Variants in ADAMTS16 observed in about 807,000 individuals in gnomAD.
ADAMTS16 encodes the protein ADAM metallopeptidase with thrombospondin type 1 motif 16.
Under a neutral mutation model 145.8 loss-of-function variants are expected in ADAMTS16, and 94 were observed. The ratio of observed to expected loss-of-function variants is 0.64; its 90% CI spans 0.55 to 0.77. The LOEUF (loss-of-function observed/expected upper bound fraction) is 0.77. ADAMTS16 is among the 30% of genes least tolerant of loss of function. The pLI, the probability that ADAMTS16 is intolerant of heterozygous loss-of-function variation, is 0.00. For missense variants in ADAMTS16, 1,585 were observed against 1,591.5 expected (o/e 1.00, Z 0.07); for synonymous variants, 659 against 604.3 (o/e 1.09, Z -1.33).
At chr5:5,191,578 C>T (rs1735663285) in intron 7 of ADAMTS16, 107 bp from the exon 8 acceptor site, 3 of 882,594 alleles carry the variant, frequency 3.4e-6, no homozygotes, top group Non-Finnish European at 5.4e-6. Flanking sequence ...CATATTTTCC[C>T]ATATGAACAT....
intron 8 of ADAMTS16, among the ~76,000 whole-genome samples, chr5:5,198,123 G>T (rs1010003691): frequency 4.6e-5 from 7 of 152,178 alleles, no homozygotes; most frequent in African/African-American, 1.7e-4. Context: ...AGGCAGACAC[G>T]GTAGCAAGTT....
chr5:5,169,108 G>A (rs1297753296), intron 3 of ADAMTS16, among the ~76,000 whole-genome samples: 1 of 151,920 alleles, frequency 6.6e-6, no homozygotes, highest in Non-Finnish European at 1.5e-5. Flanking sequence ...TCCTTCATAG[G>A]TATCAGTTCC....
At chr5:5,184,191 C>T (rs1157184875) in intron 4 of ADAMTS16, among the ~76,000 whole-genome samples, 2 of 151,942 alleles carry the variant, frequency 1.3e-5, no homozygotes, top group African/African-American at 2.4e-5. Flanking sequence ...CCCAGGTCCT[C>T]GTGTCACCTG....
rs764776870 is a variant in ADAMTS16 at position 5,182,106 on chromosome 5, A to G, written c.564A>G (p.Ser188=). 67 of 1,611,200 alleles carry G rather than the reference A, an allele frequency of 4.2e-5. No homozygotes were observed. Among genetic ancestry groups the G allele is most frequent in the Non-Finnish European group, 5.4e-5 (64 of 1,177,526 alleles). The change falls in exon 4 of 23, where the codon TCA becomes TCG. Residue 188 remains serine (S), a synonymous_variant. Transcript: ENST00000274181. ...YFLRPLPSHL[S]WKLGRAAQGS... The stretch of plus-strand genomic sequence containing the variant: ...TAAGGCCACTTCCTTCACACCTCTC[A>G]TGGAAACTCGGCAGAGCTGCCCAAG...
At chr5:5,249,976 C>A (rs1737570792) in intron 17 of ADAMTS16, among the ~76,000 whole-genome samples, 1 of 152,162 alleles carries the variant, frequency 6.6e-6, no homozygotes, top group Non-Finnish European at 1.5e-5. Flanking sequence ...CCATCCCTGG[C>A]TGAACTCCTT....
chr5:5,168,636 A>T (rs1734955474), intron 3 of ADAMTS16, among the ~76,000 whole-genome samples: 1 of 52,034 alleles, frequency 1.9e-5, no homozygotes, highest in Admixed American at 1.9e-4. Flanking sequence ...TATATATAAT[A>T]TATATAATTA....
Position 5,208,787 on chromosome 5 carries a change from T to TAA in ADAMTS16, c.1452-306_1452-305insAA, listed in dbSNP as rs565535665. Among the ~76,000 whole-genome samples, 413 of 152,382 alleles carry TAA rather than the reference T, an allele frequency of 2.7e-3. 1 individual carries two copies. Among genetic ancestry groups the TAA allele is most frequent in the African/African-American group, 9.6e-3 (398 of 41,602 alleles). On this transcript the variant is annotated intron_variant, in intron 9 of 22. Coordinates refer to ENST00000274181, the MANE Select transcript of ADAMTS16 (RefSeq NM_139056.4). ...AGATGTCCATCATAAGAGCTTCTCA[T>TAA]GTTGAACACTGGTTGTAATTATTCA... is the stretch of plus-strand genomic sequence containing the variant.
At chr5:5,296,691 G>GAATGTGC (rs1298900327) in intron 18 of ADAMTS16, among the ~76,000 whole-genome samples, 2 of 152,290 alleles carry the variant, frequency 1.3e-5, no homozygotes, top group East Asian at 3.9e-4. Flanking sequence ...GCGAGACCAG[G>GAATGTGC]AATGTGCAGG....
chr5:5,284,998 C>T (rs1410835650), intron 18 of ADAMTS16, among the ~76,000 whole-genome samples: 2 of 152,116 alleles, frequency 1.3e-5, no homozygotes. Flanking sequence ...AAGAATAGTG[C>T]TTTTGTTTTG....
At chr5:5,254,752 GATTT>G (rs1275241808) in intron 17 of ADAMTS16, among the ~76,000 whole-genome samples, 1 of 151,992 alleles carries the variant, frequency 6.6e-6, no homozygotes, top group African/African-American at 2.4e-5. Context: ...ATTATCTGGT[GATTT>G]ATTTCTTTCT....
At chr5:5,305,947 A>G (rs900580974) in intron 20 of ADAMTS16, among the ~76,000 whole-genome samples, 4 of 152,230 alleles carry the variant, frequency 2.6e-5, no homozygotes, top group East Asian at 1.9e-4. Flanking sequence ...GCACCTCTGC[A>G]CAAGCCAGGG....
chr5:5,194,127 A>T (rs987786337), intron 8 of ADAMTS16, among the ~76,000 whole-genome samples: 1 of 152,084 alleles, frequency 6.6e-6, no homozygotes. Context: ...TAAGCCCTGC[A>T]TGTGGATGAA....
intron 11 of ADAMTS16, among the ~76,000 whole-genome samples, chr5:5,225,420 C>T (rs1268841940): frequency 6.6e-6 from 1 of 152,046 alleles, no homozygotes; most frequent in Non-Finnish European, 1.5e-5. Context: ...CTGGCCAACA[C>T]GGTGAAACCC....
chr5:5,215,460 A>G (rs1403072672), intron 10 of ADAMTS16, among the ~76,000 whole-genome samples: 1 of 152,078 alleles, frequency 6.6e-6, no homozygotes, highest in African/African-American at 2.4e-5. Flanking sequence ...TATACACTGC[A>G]CCATATTTGT....
intron 9 of ADAMTS16, among the ~76,000 whole-genome samples, chr5:5,203,680 G>T (rs951024604): frequency 2.0e-5 from 3 of 152,152 alleles, no homozygotes; most frequent in Admixed American, 6.5e-5. Flanking sequence ...CTGCATCCAG[G>T]AGGCCTGTGA....
chr5:5,305,013 C>CCACA (rs746640387), intron 20 of ADAMTS16, among the ~76,000 whole-genome samples: 11 of 71,716 alleles, frequency 1.5e-4, no homozygotes, highest in Non-Finnish European at 2.7e-4. Flanking sequence ...ACATCCCACA[C>CCACA]CACACACACA....
At chr5:5,258,849 T>C (rs548782611) in intron 17 of ADAMTS16, among the ~76,000 whole-genome samples, 7 of 150,974 alleles carry the variant, frequency 4.6e-5, no homozygotes, top group African/African-American at 1.7e-4. Flanking sequence ...TATATATATA[T>C]AATTTTTTTT....
chr5:5,164,411 G>A (rs1014564405), intron 3 of ADAMTS16, among the ~76,000 whole-genome samples: 8 of 152,246 alleles, frequency 5.3e-5, no homozygotes, highest in African/African-American at 1.9e-4. Flanking sequence ...CCTGGCACTG[G>A]CTGCAGTCTC....
At chr5:5,198,556 C>A (rs2126588304) in intron 8 of ADAMTS16, among the ~76,000 whole-genome samples, 1 of 152,276 alleles carries the variant, frequency 6.6e-6, no homozygotes, top group South Asian at 2.1e-4. Context: ...TGGATGTAGT[C>A]TTTCTCCAGT....
Sources: gnomAD v4.1 joint callset for allele counts (sites outside exome capture counted in the v4.1 genomes callset) on GRCh38, gnomAD v4.1.1 for gene constraint, MANE v1.5 for transcripts, NCBI Gene and HGNC (gene_info 2026-07-23, HGNC 2026-07-21) for gene names.